KCNJ5: variants seen among roughly 807,000 people sequenced by gnomAD.
KCNJ5 encodes potassium inwardly rectifying channel subfamily J member 5, also known as G protein-activated inward rectifier potassium channel 4.
A neutral mutation model predicts 20.2 loss-of-function variants in KCNJ5; 12 were observed. That is an observed-to-expected ratio of 0.59 (90% CI 0.38 to 0.96). The LOEUF (loss-of-function observed/expected upper bound fraction) is 0.96. Among genes scored for constraint, KCNJ5 ranks in the 40% least tolerant of loss-of-function variants. The pLI is 0.00. For synonymous variants in KCNJ5, 210 were observed against 213.9 expected (o/e 0.98, Z 0.16); for missense variants, 449 against 557.6 (o/e 0.81, Z 1.96).
chr11:128,896,917 G>A (rs1418753714), intron 1 of KCNJ5, among the ~76,000 whole-genome samples: 1 of 151,784 alleles, frequency 6.6e-6, no homozygotes, highest in Non-Finnish European at 1.5e-5. Flanking sequence ...GAACTGTCCA[G>A]CTGTTTTCCA....
At position 128,918,977 on chromosome 11, in the gene KCNJ5, C is replaced by A. The variant is rs59724996; in HGVS notation, c.*2246C>A. ...GCCCCCAGGAGTCTCAGAAAGGCAG[C>A]CCATCACTAAGGCTGGATGCCTTTC... On this transcript the variant is annotated 3_prime_UTR_variant, in exon 3 of 3. Coordinates refer to ENST00000529694, the MANE Select transcript of KCNJ5 (RefSeq NM_000890.5). The A allele has an allele frequency of 0.28, 42,936 of 152,168 alleles. 7,002 individuals are homozygous for A. The highest frequency in any genetic ancestry group is 0.54 in the South Asian group (2,593 of 4,828). 9.4% of individuals were successfully genotyped at this position (152,168 alleles called of 1,614,324 possible). A position where few individuals can be genotyped will look rare whatever the true frequency, so the allele number is the denominator to read the frequency against.
chr11:128,911,285 T>G lies in KCNJ5; in HGVS notation c.12T>G (p.Asp4Glu). Residue 4 changes from aspartate to glutamate, a missense_variant, in exon 2 of 3, where the codon GAT becomes GAG. By Grantham distance (45) the Asp-to-Glu change is conservative. Transcript: ENST00000529694. This position sits in a 1 kb window ranked among gnomAD's most constrained non-coding sequence, Gnocchi z 6.3. Reference sequence around the variant, plus strand: ...AAAGCATCCCAGCTATGGCTGGCGATTCTAGGAATGCCATGAACCAGGACA... The same window carrying G: ...AAAGCATCCCAGCTATGGCTGGCGAGTCTAGGAATGCCATGAACCAGGACA... MAG[D>E]SRNAMNQDME... The G allele has an allele frequency of 6.2e-7, 1 of 1,613,990 alleles. No homozygotes were observed. The highest frequency in any genetic ancestry group is 8.5e-7 in the Non-Finnish European group (1 of 1,179,998).
At chr11:128,904,284 GC>G in intron 1 of KCNJ5, 1 of 1,196,446 alleles carries the variant, frequency 8.4e-7, no homozygotes, top group Non-Finnish European at 1.2e-6. Flanking sequence ...ACTCTTCCTC[GC>G]CCACCCCAGA....
rs746443394 is a variant in KCNJ5, at chr11:128,911,927, G to A, written c.654G>A (p.Met218Ile). The change falls in exon 2 of 3, where the codon ATG becomes ATA. Residue 218 changes from methionine to isoleucine, a missense_variant. Around this residue, in one of 5 missense-constraint regions of KCNJ5, gnomAD observed 145 missense variants for 166.2 expected, o/e 0.87. Transcript: ENST00000529694. This position sits in a 1 kb window ranked among gnomAD's most constrained non-coding sequence, Gnocchi z 6.3. ...TGCGGGACGAGAAGCTGTGCCTCAT[G>A]TTCCGGGTGGGCGACCTCCGCAACT... is the stretch of plus-strand genomic sequence containing the variant. ...ISMRDEKLCL[M>I]FRVGDLRNSH... 9 of 1,601,688 alleles carry A rather than the reference G, an allele frequency of 5.6e-6. No homozygotes were observed. Among genetic ancestry groups the A allele is most frequent in the Admixed American group, 1.7e-5 (1 of 59,434 alleles).
intron 1 of KCNJ5, chr11:128,902,842 C>T: frequency 9.7e-7 from 1 of 1,026,276 alleles, no homozygotes; most frequent in Non-Finnish European, 1.4e-6. Context: ...TCTCCGACTC[C>T]CTAGCCCAGA....
At chr11:128,891,745 C>G (rs902461792) in intron 1 of KCNJ5, 24 bp downstream of exon 1, 2 of 152,360 alleles carry the variant, frequency 1.3e-5, no homozygotes, top group Non-Finnish European at 2.9e-5. Context: ...TTTTCCTCCT[C>G]CATTTCTCCC....
intron 1 of KCNJ5, among the ~76,000 whole-genome samples, chr11:128,893,852 C>G (rs1944131350): frequency 6.6e-6 from 1 of 152,236 alleles, no homozygotes; most frequent in African/African-American, 2.4e-5. Flanking sequence ...CAGTGCAGAG[C>G]TCTTTGTCTG....
At chr11:128,910,148 G>A (rs1325376635) in intron 1 of KCNJ5, among the ~76,000 whole-genome samples, 3 of 152,214 alleles carry the variant, frequency 2.0e-5, no homozygotes, top group African/African-American at 7.2e-5. Context: ...GCTCAGAAAT[G>A]TTGTCTGTTA....
chr11:128,913,400 A>G (rs1416971354), intron 2 of KCNJ5, among the ~76,000 whole-genome samples: 1 of 152,176 alleles, frequency 6.6e-6, no homozygotes, highest in Admixed American at 6.5e-5. Flanking sequence ...CTGGTAGCCA[A>G]GGACCCCCCA....
chr11:128,904,868 T>C (rs1294469523), intron 1 of KCNJ5, among the ~76,000 whole-genome samples: 3 of 152,146 alleles, frequency 2.0e-5, no homozygotes. Flanking sequence ...CCGTAAAACG[T>C]TCAGAAATTC....
chr11:128,893,062 T>G (rs1944119622), intron 1 of KCNJ5, among the ~76,000 whole-genome samples: 1 of 152,216 alleles, frequency 6.6e-6, no homozygotes, highest in Admixed American at 6.5e-5. Flanking sequence ...AGGTGTAAAT[T>G]GCATCATCTG....
chr11:128,903,383 C>T (rs1388287837), intron 1 of KCNJ5: 11 of 1,614,086 alleles, frequency 6.8e-6, no homozygotes, highest in Middle Eastern at 3.3e-4. Flanking sequence ...CAGCCACAGC[C>T]GTGGGTGTAG....
At chr11:128,900,219 C>T (rs1944251784) in intron 1 of KCNJ5, 1 of 152,098 alleles carries the variant, frequency 6.6e-6, no homozygotes, top group African/African-American at 2.4e-5. Context: ...AATTGAACTC[C>T]CCAAGCAAAA....
intron 2 of KCNJ5, among the ~76,000 whole-genome samples, chr11:128,914,708 A>C (rs1483334566): frequency 6.6e-6 from 1 of 152,226 alleles, no homozygotes; most frequent in African/African-American, 2.4e-5. Flanking sequence ...AGCTGTGCTG[A>C]TCACTATACC....
intron 1 of KCNJ5, among the ~76,000 whole-genome samples, chr11:128,896,340 GT>G (rs200908392): frequency 0.042 from 6,345 of 152,178 alleles, 463 homozygotes; most frequent in East Asian, 0.24. Flanking sequence ...CAAAACTGTA[GT>G]ACACTATCAA....
chr11:128,911,587 G>C lies in KCNJ5; in HGVS notation c.314G>C (p.Gly105Ala), dbSNP rs776932193. The C allele has an allele frequency of 4.3e-6, 7 of 1,614,210 alleles. No individual in the cohort carries two copies. The highest frequency in any genetic ancestry group is 5.1e-6 in the Non-Finnish European group (6 of 1,180,042). Residue 105 changes from glycine to alanine, a missense_variant, in exon 2 of 3, where the codon GGC becomes GCC. Gly to Ala is a moderately conservative substitution (Grantham distance 60, BLOSUM62 0). Transcript: ENST00000529694. The surrounding 1 kb of genome is among the most constrained non-coding windows in gnomAD (Gnocchi z 6.3). ...MVYTVTWLFF[G>A]FIWWLIAYIR... ...TACACTGTCACCTGGCTGTTCTTCG[G>C]CTTCATTTGGTGGCTCATTGCTTAT...
intron 1 of KCNJ5, chr11:128,901,523 G>A (rs576817965): frequency 1.3e-5 from 2 of 152,388 alleles, no homozygotes; most frequent in Admixed American, 1.3e-4. Context: ...TGGAGAATGC[G>A]GCACAGACAG....
intron 1 of KCNJ5, among the ~76,000 whole-genome samples, chr11:128,908,736 A>G (rs557287977): frequency 2.6e-5 from 4 of 152,326 alleles, no homozygotes; most frequent in South Asian, 2.1e-4. Flanking sequence ...GCCCCGGCCA[A>G]TGACTCATTC....
chr11:128,895,388 C>CA (rs931834935), intron 1 of KCNJ5, among the ~76,000 whole-genome samples: 9 of 147,666 alleles, frequency 6.1e-5, no homozygotes, highest in Admixed American at 1.3e-4. Flanking sequence ...CCCCACCCCC[C>CA]CCCCAACCCC....
Sources: allele counts gnomAD v4.1 joint callset (sites outside exome capture counted in the v4.1 genomes callset), GRCh38; gene constraint gnomAD v4.1.1; regional missense constraint gnomAD v4.1.1; non-coding constraint Gnocchi (gnomAD v3.1); transcripts MANE v1.5; gene names NCBI Gene and HGNC (gene_info 2026-07-23, HGNC 2026-07-21).